The following TAFA4 variants were observed in gnomAD, a reference collection of about 807,000 sequenced individuals.
TAFA4 encodes chemokine-like protein TAFA-4.
A neutral mutation model predicts 21.1 loss-of-function variants in TAFA4; 20 were observed. The ratio of observed to expected loss-of-function variants is 0.95; its 90% CI spans 0.67 to 1.38. TAFA4 has a LOEUF of 1.38. TAFA4 is among the 40% of genes most tolerant of loss of function. The pLI is 0.00. For missense variants in TAFA4, 211 were observed against 180.9 expected, an observed-to-expected ratio of 1.17 and a Z score of -0.95; for synonymous variants, 71 against 67.4, an observed-to-expected ratio of 1.05 and a Z score of -0.26.
rs186382084 is a variant in TAFA4, at chr3:68,761,851, G to T, written c.131-8833C>A. On this transcript the variant is annotated intron_variant, in intron 3 of 5. Transcript: ENST00000295569. ...GGTAGGAAGAAGAGGTTGGATTCTG[G>T]AAGTAGAGGCTTCTAGATGTGGAGA... Among the ~76,000 whole-genome samples, 239 of 152,262 alleles carry T rather than the reference G, an allele frequency of 1.6e-3. 4 individuals are homozygous for T. Among genetic ancestry groups the T allele is most frequent in the Admixed American group, 0.015 (236 of 15,298 alleles).
At chr3:68,915,670 G>T (rs1205129023) in intron 1 of TAFA4, among the ~76,000 whole-genome samples, 1 of 152,176 alleles carries the variant, frequency 6.6e-6, no homozygotes, top group Non-Finnish European at 1.5e-5. Flanking sequence ...CTCTTAGTAA[G>T]AAAGAATTAG....
At chr3:68,844,480 CACT>C (rs1704741210) in intron 3 of TAFA4, among the ~76,000 whole-genome samples, 1 of 151,420 alleles carries the variant, frequency 6.6e-6, no homozygotes, top group African/African-American at 2.4e-5. Context: ...CTCCTGGATT[CACT>C]ACTTTTTTGA....
At chr3:68,839,048 T>C (rs1704592111) in intron 3 of TAFA4, among the ~76,000 whole-genome samples, 5 of 152,102 alleles carry the variant, frequency 3.3e-5, no homozygotes, top group Admixed American at 3.3e-4. Flanking sequence ...CAATGAGCCA[T>C]GATTATGCCA....
rs560084805 is a variant in TAFA4, at chr3:68,829,644, A to T, written c.130+51086T>A. Among the ~76,000 whole-genome samples, 8 of 152,276 alleles carry T rather than the reference A, an allele frequency of 5.3e-5. No individual in the cohort carries two copies. The East Asian group carries it at 1.5e-3, about 29-fold the overall frequency. On this transcript the variant is annotated intron_variant, in intron 3 of 5. Coordinates refer to ENST00000295569, the MANE Select transcript of TAFA4 (RefSeq NM_182522.5). ...TGTTCATCAAGGATATTGGTATAAAATTCTCTTTTTCTGTTGGGTCTCTGC... is the reference window on the plus strand; with the variant it reads ...TGTTCATCAAGGATATTGGTATAAATTTCTCTTTTTCTGTTGGGTCTCTGC...
At chr3:68,917,431 C>T (rs905164146) in intron 1 of TAFA4, among the ~76,000 whole-genome samples, 7 of 152,076 alleles carry the variant, frequency 4.6e-5, no homozygotes, top group Admixed American at 3.9e-4. Flanking sequence ...AGACCTCCCC[C>T]CCTGTGTGTC....
At chr3:68,751,258 A>G (rs1439395996) in intron 4 of TAFA4, among the ~76,000 whole-genome samples, 1 of 152,176 alleles carries the variant, frequency 6.6e-6, no homozygotes, top group Non-Finnish European at 1.5e-5. Context: ...TCTTAAAGAG[A>G]GTGGGAAGCC....
intron 3 of TAFA4, among the ~76,000 whole-genome samples, chr3:68,814,294 A>G (rs1054716711): frequency 2.6e-5 from 4 of 152,182 alleles, no homozygotes; most frequent in Non-Finnish European, 5.9e-5. Context: ...CCTGGTCAAC[A>G]TAGTGTTGGA....
chr3:68,756,548 C>T (rs751511117), intron 3 of TAFA4, among the ~76,000 whole-genome samples: 3 of 152,152 alleles, frequency 2.0e-5, no homozygotes, highest in Non-Finnish European at 2.9e-5. Flanking sequence ...CAAACAATAA[C>T]CTCGATATTA....
chr3:68,807,081 G>T (rs1165281198), intron 3 of TAFA4, among the ~76,000 whole-genome samples: 1 of 152,222 alleles, frequency 6.6e-6, no homozygotes, highest in Non-Finnish European at 1.5e-5. Context: ...CATGAAGCAT[G>T]CTAACTCCTT....
At chr3:68,880,653 T>C in intron 3 of TAFA4, 77 bp downstream of exon 3, 1 of 1,178,432 alleles carries the variant, frequency 8.5e-7, no homozygotes, top group Middle Eastern at 2.0e-4. Context: ...ATCAGTTATC[T>C]GTGTCTAAAA....
intron 5 of TAFA4, among the ~76,000 whole-genome samples, chr3:68,736,812 A>T (rs146419719): frequency 2.6e-5 from 4 of 152,310 alleles, no homozygotes; most frequent in African/African-American, 9.6e-5. Context: ...AGTCACACTG[A>T]CTTAGATTAA....
At chr3:68,753,726 A>T (rs1702607019) in intron 3 of TAFA4, among the ~76,000 whole-genome samples, 1 of 152,158 alleles carries the variant, frequency 6.6e-6, no homozygotes, top group African/African-American at 2.4e-5. Context: ...CAGACAGATG[A>T]AGAGCTCCAG....
intron 3 of TAFA4, among the ~76,000 whole-genome samples, chr3:68,838,554 G>C (rs1460520286): frequency 1.3e-5 from 2 of 152,142 alleles, no homozygotes; most frequent in African/African-American, 4.8e-5. Flanking sequence ...TTCTAGGTCA[G>C]GGGTCAGCAG....
At chr3:68,799,529 C>G (rs555785925) in intron 3 of TAFA4, among the ~76,000 whole-genome samples, 1 of 152,134 alleles carries the variant, frequency 6.6e-6, no homozygotes, top group Admixed American at 6.5e-5. Context: ...GTAAAAGAGG[C>G]TTTGCAGTTG....
At chr3:68,916,671 C>A (rs202219059) in intron 1 of TAFA4, among the ~76,000 whole-genome samples, 1 of 152,152 alleles carries the variant, frequency 6.6e-6, no homozygotes, top group Non-Finnish European at 1.5e-5. Flanking sequence ...AGTGGTAGAA[C>A]GGTCAAGGCA....
intron 4 of TAFA4, among the ~76,000 whole-genome samples, chr3:68,745,763 C>CA (rs1347314156): frequency 6.6e-6 from 1 of 152,092 alleles, no homozygotes; most frequent in African/African-American, 2.4e-5. Flanking sequence ...TTAGATAAGC[C>CA]AGACTTCAAA....
At chr3:68,801,999 C>G (rs1703588983) in intron 3 of TAFA4, among the ~76,000 whole-genome samples, 1 of 152,050 alleles carries the variant, frequency 6.6e-6, no homozygotes, top group South Asian at 2.1e-4. Flanking sequence ...AAGCCAGCCA[C>G]TCGTATCTTC....
intron 3 of TAFA4, among the ~76,000 whole-genome samples, chr3:68,848,604 TA>T (rs1704867697): frequency 6.6e-6 from 1 of 152,210 alleles, no homozygotes; most frequent in Non-Finnish European, 1.5e-5. Flanking sequence ...ATTAAAGGTA[TA>T]AATGGACAAG....
At chr3:68,809,984 C>T (rs1409779696) in intron 3 of TAFA4, among the ~76,000 whole-genome samples, 2 of 152,272 alleles carry the variant, frequency 1.3e-5, no homozygotes, top group East Asian at 1.9e-4. Context: ...ATTTTCAAAT[C>T]GGGTAACAGA....
Sources: allele counts gnomAD v4.1 joint callset (sites outside exome capture counted in the v4.1 genomes callset), GRCh38; gene constraint gnomAD v4.1.1; transcripts MANE v1.5; gene names NCBI Gene and HGNC (gene_info 2026-07-23, HGNC 2026-07-21).